The following PRRX1 variants were observed in gnomAD, a reference collection of about 807,000 sequenced individuals.
PRRX1 encodes the protein paired related homeobox 1.
Under a neutral mutation model 24.0 loss-of-function variants are expected in PRRX1, and 8 were observed. The ratio of observed to expected loss-of-function variants is 0.33; its 90% CI spans 0.20 to 0.60. PRRX1 has a LOEUF of 0.60. Ranked by LOEUF, PRRX1 falls within the 20% of genes least tolerant of loss-of-function variation. The pLI is 0.82. For missense variants in PRRX1, 281 were observed against 322.4 expected (o/e 0.87, Z 0.98); for synonymous variants, 160 against 131.7 (o/e 1.22, Z -1.47).
chr1:170,719,681 C>T (rs1241826164), intron 1 of PRRX1, 45 bp from the exon 2 acceptor site: 15 of 1,596,300 alleles, frequency 9.4e-6, no homozygotes, highest in Non-Finnish European at 1.2e-5. Flanking sequence ...AACTGGGACT[C>T]CTACAGTGAA....
chr1:170,736,347 G>A lies in PRRX1; in HGVS notation c.*161G>A. Reference sequence around the variant, plus strand: ...GACCATGGCAGAGAAAAGCAGGAGAGGAGCAAAATGAAAATTAGTTAACAA... The same window carrying A: ...GACCATGGCAGAGAAAAGCAGGAGAAGAGCAAAATGAAAATTAGTTAACAA... On this transcript the variant is annotated 3_prime_UTR_variant, in exon 4 of 4. Coordinates refer to ENST00000239461, the MANE Select transcript of PRRX1 (RefSeq NM_022716.4). 1 of 974,654 alleles carries A rather than the reference G, an allele frequency of 1.0e-6. No homozygotes were observed. Among genetic ancestry groups the A allele is most frequent in the Non-Finnish European group, 1.5e-6 (1 of 659,244 alleles). The allele number at this position is 974,654 out of a possible 1,614,324, so 60.4% of individuals were successfully genotyped here.
intron 1 of PRRX1, among the ~76,000 whole-genome samples, chr1:170,685,721 T>C (rs1433342009): frequency 5.9e-5 from 9 of 152,072 alleles, no homozygotes; most frequent in Non-Finnish European, 1.0e-4. Context: ...GGAAAAGTTA[T>C]ACATGGTTTG....
intron 1 of PRRX1, among the ~76,000 whole-genome samples, chr1:170,714,491 A>AT (rs1654844656): frequency 6.6e-6 from 1 of 151,974 alleles, no homozygotes; most frequent in African/African-American, 2.4e-5. Flanking sequence ...CTTGCATCAG[A>AT]TTTTTTCCCA....
At chr1:170,695,057 A>G (rs942082479) in intron 1 of PRRX1, among the ~76,000 whole-genome samples, 5 of 152,148 alleles carry the variant, frequency 3.3e-5, no homozygotes, top group Admixed American at 6.6e-5. Context: ...GGAAGAGTCT[A>G]TCTCCTCAGT....
chr1:170,712,259 T>C (rs1267300311), intron 1 of PRRX1, among the ~76,000 whole-genome samples: 3 of 152,124 alleles, frequency 2.0e-5, no homozygotes, highest in African/African-American at 7.2e-5. Flanking sequence ...AATTGAATAA[T>C]AGCAAAAAAA....
intron 1 of PRRX1, among the ~76,000 whole-genome samples, chr1:170,709,952 T>C (rs1654692873): frequency 6.6e-6 from 1 of 152,214 alleles, no homozygotes; most frequent in South Asian, 2.1e-4. Context: ...ATTTAGAAGA[T>C]AGAATAACTC....
At chr1:170,670,682 CT>C (rs1299356097) in intron 1 of PRRX1, among the ~76,000 whole-genome samples, 1 of 152,052 alleles carries the variant, frequency 6.6e-6, no homozygotes, top group Non-Finnish European at 1.5e-5. Context: ...CTTGGGACTA[CT>C]TTTCTTGATA....
intron 1 of PRRX1, among the ~76,000 whole-genome samples, chr1:170,698,751 A>G (rs1364732031): frequency 2.6e-5 from 4 of 152,192 alleles, no homozygotes; most frequent in Admixed American, 1.3e-4. Context: ...CACAACTGTC[A>G]CATCTTTCTG....
At chr1:170,672,044 T>C (rs1333232016) in intron 1 of PRRX1, among the ~76,000 whole-genome samples, 6 of 152,080 alleles carry the variant, frequency 3.9e-5, no homozygotes, top group Non-Finnish European at 1.5e-5. Context: ...GGCCCTGGGA[T>C]CAGGGTAACC....
intron 1 of PRRX1, among the ~76,000 whole-genome samples, chr1:170,713,228 T>C (rs916353239): frequency 3.3e-5 from 5 of 152,322 alleles, no homozygotes; most frequent in East Asian, 3.9e-4. Flanking sequence ...TCTGGAGTTA[T>C]AGCCTAAAAC....
rs1655593115 is a variant in PRRX1 at position 170,736,112 on chromosome 1, A to G, written c.664A>G (p.Asn222Asp). 6.2e-7 allele frequency: 1 copy of G among 1,614,072 alleles called. No homozygotes were observed. The highest frequency in any genetic ancestry group is 1.7e-5 in the Admixed American group (1 of 60,006). Residue 222 changes from asparagine (N) to aspartate (D), a missense_variant, in exon 4 of 4, where the codon AAC becomes GAC. Coordinates refer to ENST00000239461, the MANE Select transcript of PRRX1 (RefSeq NM_022716.4). ...NSPAQGINMA[N>D]SIANLRLKAK... is the part of the protein sequence containing the mutation. Reference sequence around the variant, plus strand: ...CCCTGCACAGGGCATCAACATGGCCAACAGCATTGCCAACCTGAGACTGAA... The same window carrying G: ...CCCTGCACAGGGCATCAACATGGCCGACAGCATTGCCAACCTGAGACTGAA...
At chr1:170,686,623 C>G (rs932696117) in intron 1 of PRRX1, among the ~76,000 whole-genome samples, 1 of 152,102 alleles carries the variant, frequency 6.6e-6, no homozygotes, top group South Asian at 2.1e-4. Context: ...AGGAGACGGG[C>G]GGCTGCAGCG....
intron 1 of PRRX1, among the ~76,000 whole-genome samples, chr1:170,713,983 A>C (rs1654827298): frequency 6.6e-6 from 1 of 152,216 alleles, no homozygotes; most frequent in Non-Finnish European, 1.5e-5. Flanking sequence ...GGACCGCTGA[A>C]GGGCTATGCT....
chr1:170,691,773 A>G (rs1271876145), intron 1 of PRRX1, among the ~76,000 whole-genome samples: 2 of 151,954 alleles, frequency 1.3e-5, no homozygotes, highest in East Asian at 3.9e-4. Flanking sequence ...TTGAAAATAA[A>G]CAAAATGAAG....
At position 170,737,104 on chromosome 1, in the gene PRRX1, T is replaced by C. The variant is rs1295440759; in HGVS notation, c.*918T>C. The C allele has an allele frequency of 5.6e-6, 1 of 178,570 alleles. No individual in the cohort carries two copies. The highest frequency in any genetic ancestry group is 1.2e-5 in the Non-Finnish European group (1 of 83,788). 11.1% of individuals were successfully genotyped at this position (178,570 alleles called of 1,614,324 possible). On this transcript the variant is annotated 3_prime_UTR_variant, in exon 4 of 4. Coordinates refer to ENST00000239461, the MANE Select transcript of PRRX1 (RefSeq NM_022716.4). Reference sequence around the variant, plus strand: ...GGCATGCCCACATCTCTTTCGTGCCTTAAGGATAGTGAGATGCACACTTAT... The same window carrying C: ...GGCATGCCCACATCTCTTTCGTGCCCTAAGGATAGTGAGATGCACACTTAT...
chr1:170,674,238 ACG>A (rs904148779), intron 1 of PRRX1, among the ~76,000 whole-genome samples: 2 of 149,134 alleles, frequency 1.3e-5, no homozygotes, highest in Admixed American at 6.7e-5. Flanking sequence ...TTGCGCACGC[ACG>A]CACACACACA....
intron 1 of PRRX1, among the ~76,000 whole-genome samples, chr1:170,691,951 T>G (rs1653997645): frequency 6.6e-6 from 1 of 152,060 alleles, no homozygotes; most frequent in African/African-American, 2.4e-5. Context: ...ATTCAAGAAA[T>G]ATTTAATGCA....
chr1:170,708,010 A>G (rs887928071), intron 1 of PRRX1, among the ~76,000 whole-genome samples: 4 of 152,176 alleles, frequency 2.6e-5, no homozygotes, highest in Admixed American at 2.0e-4. Context: ...AACCTTGATT[A>G]TCTTCCTTTT....
chr1:170,667,664 A>G (rs1652989928), intron 1 of PRRX1: 1 of 152,150 alleles, frequency 6.6e-6, no homozygotes, highest in African/African-American at 2.4e-5. Flanking sequence ...CCCCACCCCC[A>G]AAGGGACTCA....
Sources: gnomAD v4.1 joint callset for allele counts (sites outside exome capture counted in the v4.1 genomes callset) on GRCh38, gnomAD v4.1.1 for gene constraint, MANE v1.5 for transcripts, NCBI Gene and HGNC (gene_info 2026-07-23, HGNC 2026-07-21) for gene names.